The following FIG4 variants were observed in gnomAD, a reference collection of about 807,000 sequenced individuals.
The protein encoded by FIG4 is polyphosphoinositide phosphatase.
In FIG4, 112 loss-of-function variants were observed where a neutral mutation model predicts 118.6. The ratio of observed to expected loss-of-function variants is 0.94; its 90% CI spans 0.81 to 1.11. The LOEUF (loss-of-function observed/expected upper bound fraction) is 1.11. Among genes scored for constraint, FIG4 ranks in the 50% least tolerant of loss-of-function variants. The probability of loss-of-function intolerance (pLI) is 0.00; values close to 1 mark genes in which losing one functional copy is unlikely to be tolerated. For missense variants in FIG4, 969 were observed against 1,111.7 expected (o/e 0.87, Z 1.83); for synonymous variants, 369 against 381.2 (o/e 0.97, Z 0.37).
At chr6:109,787,830 A>G (rs753186234) in intron 18 of FIG4, among the ~76,000 whole-genome samples, 15 of 152,144 alleles carry the variant, frequency 9.9e-5, no homozygotes, top group Non-Finnish European at 1.8e-4. Flanking sequence ...GTCACATCAT[A>G]TTTGTCAACC....
chr6:109,778,236 G>T (rs1777677333), intron 16 of FIG4, among the ~76,000 whole-genome samples: 1 of 151,954 alleles, frequency 6.6e-6, no homozygotes, highest in Non-Finnish European at 1.5e-5. Context: ...CAAGGCGGGA[G>T]GATTACCTGA....
chr6:109,780,716 T>C (rs1306632429), intron 16 of FIG4, among the ~76,000 whole-genome samples: 3 of 152,204 alleles, frequency 2.0e-5, no homozygotes, highest in Non-Finnish European at 1.5e-5. Flanking sequence ...AGGAATGGTA[T>C]AGATAATGGC....
intron 1 of FIG4, among the ~76,000 whole-genome samples, chr6:109,706,002 C>T (rs1482297211): frequency 6.6e-6 from 1 of 152,136 alleles, no homozygotes; most frequent in Admixed American, 6.5e-5. Context: ...GAAAATTACC[C>T]AGCACATGAA....
chr6:109,737,928 A>G (rs553415112), intron 6 of FIG4, among the ~76,000 whole-genome samples: 63 of 152,276 alleles, frequency 4.1e-4, no homozygotes, highest in Non-Finnish European at 2.5e-4. Context: ...CCTGCTGATG[A>G]GAGGCAGAGC....
intron 4 of FIG4, among the ~76,000 whole-genome samples, chr6:109,730,096 T>G (rs897688146): frequency 1.3e-5 from 2 of 152,092 alleles, no homozygotes; most frequent in Admixed American, 1.3e-4. Context: ...TTACCCAGGC[T>G]GGAGTGCAGT....
intron 6 of FIG4, 70 bp from the exon 7 acceptor site, chr6:109,738,255 C>G (rs1384630101): frequency 1.2e-5 from 16 of 1,346,834 alleles, no homozygotes; most frequent in Non-Finnish European, 1.7e-5. Context: ...CTTTCTGATA[C>G]CAACCTTTTT....
chr6:109,753,232 G>T (rs1165742225), intron 10 of FIG4, among the ~76,000 whole-genome samples: 1 of 152,122 alleles, frequency 6.6e-6, no homozygotes, highest in Non-Finnish European at 1.5e-5. Flanking sequence ...GATCGGGCGT[G>T]TTCAGGGTGG....
intron 1 of FIG4, among the ~76,000 whole-genome samples, chr6:109,712,608 C>G (rs1056147424): frequency 6.6e-6 from 1 of 152,172 alleles, no homozygotes; most frequent in African/African-American, 2.4e-5. Flanking sequence ...GAAATGTTCT[C>G]TATGCTGGCT....
chr6:109,801,000 C>G (rs1778412271), intron 22 of FIG4, among the ~76,000 whole-genome samples: 2 of 152,142 alleles, frequency 1.3e-5, no homozygotes, highest in Admixed American at 1.3e-4. Context: ...TATATTCGTG[C>G]AAGACCAACA....
At position 109,743,137 on chromosome 6, in the gene FIG4, G is replaced by A. The variant is rs587777714; in HGVS notation, c.904G>A (p.Glu302Lys). The A allele has an allele frequency of 5.0e-6, 8 of 1,612,846 alleles. No homozygotes were observed. The African/African-American group carries it at 5.3e-5, about 11-fold the overall frequency. ...EGDVANEVET[E>K]QILCDASVMS... ...TGATGTTGCAAATGAAGTGGAGACT[G>A]AACAAATACTCTGCGATGCTTCTGT... The change falls in exon 9 of 23, where the codon GAA becomes AAA. Residue 302 changes from glutamate to lysine, a missense_variant. Coordinates refer to ENST00000230124, the MANE Select transcript of FIG4 (RefSeq NM_014845.6).
At chr6:109,711,348 G>A (rs953764685) in intron 1 of FIG4, among the ~76,000 whole-genome samples, 8 of 152,112 alleles carry the variant, frequency 5.3e-5, no homozygotes, top group African/African-American at 1.4e-4. Context: ...GCAGTGAGCC[G>A]AGATTGCGCC....
intron 21 of FIG4, among the ~76,000 whole-genome samples, chr6:109,793,995 A>T (rs560142040): frequency 6.6e-6 from 1 of 152,174 alleles, no homozygotes; most frequent in Admixed American, 6.5e-5. Context: ...TTTACAAACC[A>T]TGTGGCCTGA....
At chr6:109,759,331 G>A (rs973844244) in intron 10 of FIG4, among the ~76,000 whole-genome samples, 18 of 152,068 alleles carry the variant, frequency 1.2e-4, no homozygotes, top group African/African-American at 4.3e-4. Flanking sequence ...TTGGGCTGAT[G>A]GATGCAGGAA....
chr6:109,770,241 AATTTTTAAGCCTGG>A (rs1777417846), intron 15 of FIG4, among the ~76,000 whole-genome samples: 1 of 152,060 alleles, frequency 6.6e-6, no homozygotes, highest in Non-Finnish European at 1.5e-5. Context: ...TTTAAATGCA[AATTTTTAAGCCTGG>A]ATTTTCTTGC....
Position 109,786,452 on chromosome 6 carries a change from A to T in FIG4, c.2096+3A>T. ...TTGGCTATGACAAGCTCAGCACGGT[A>T]TGTTGTGTGTATTCTGATACCATAA... is the stretch of plus-strand genomic sequence containing the variant. On this transcript the variant is annotated splice_donor_region_variant and intron_variant, in intron 18 of 22. Coordinates refer to ENST00000230124, the MANE Select transcript of FIG4 (RefSeq NM_014845.6). The T allele has an allele frequency of 6.2e-7, 1 of 1,613,686 alleles. No individual in the cohort carries two copies. Among genetic ancestry groups the T allele is most frequent in the Non-Finnish European group, 8.5e-7 (1 of 1,179,664 alleles).
At chr6:109,801,228 A>G (rs1227069642) in intron 22 of FIG4, among the ~76,000 whole-genome samples, 11 of 152,202 alleles carry the variant, frequency 7.2e-5, no homozygotes, top group Admixed American at 5.9e-4. Context: ...CCAGCGCAGG[A>G]TAAGCTGACA....
chr6:109,818,872 A>C lies in FIG4; in HGVS notation c.2547-6216A>C, dbSNP rs76726565. On this transcript the variant is annotated intron_variant, in intron 22 of 22. Transcript: ENST00000230124. ...CAGGTAGAACCTAAATTGCATTCTG[A>C]ACCTGAATTGCAAGGGATCCTGGGA... Among the ~76,000 whole-genome samples, 19 of 152,320 alleles carry C rather than the reference A, an allele frequency of 1.2e-4. No individual in the cohort carries two copies. The East Asian group carries it at 3.5e-3, about 28-fold the overall frequency.
intron 1 of FIG4, among the ~76,000 whole-genome samples, chr6:109,707,354 C>T (rs1430385297): frequency 3.4e-5 from 2 of 58,762 alleles, no homozygotes; most frequent in East Asian, 7.2e-4. Flanking sequence ...TATATACATA[C>T]ATATATACGT....
chr6:109,779,303 A>G (rs1441794091), intron 16 of FIG4, among the ~76,000 whole-genome samples: 2 of 152,208 alleles, frequency 1.3e-5, no homozygotes, highest in Non-Finnish European at 2.9e-5. Flanking sequence ...GAAATTAGCT[A>G]TGTATTAAAA....
Sources: allele counts gnomAD v4.1 joint callset (sites outside exome capture counted in the v4.1 genomes callset), GRCh38; gene constraint gnomAD v4.1.1; transcripts MANE v1.5; gene names NCBI Gene and HGNC (gene_info 2026-07-23, HGNC 2026-07-21).